The following TJP1 variants were observed in gnomAD, a reference collection of about 807,000 sequenced individuals.
TJP1 encodes tight junction protein 1, also known as tight junction protein ZO-1.
In TJP1, 43 loss-of-function variants were observed where a neutral mutation model predicts 194.2. The observed-to-expected ratio is 0.22, with a 90% confidence interval of 0.17 to 0.29. TJP1 has a LOEUF of 0.29. TJP1 is among the 10% of genes least tolerant of loss of function. The pLI, the probability that TJP1 is intolerant of heterozygous loss-of-function variation, is 1.00. For missense variants in TJP1, 1,971 were observed against 2,185.7 expected (o/e 0.90, Z 1.96); for synonymous variants, 801 against 779.0 (o/e 1.03, Z -0.47).
intron 11 of TJP1, 82 bp from the exon 12 acceptor site, chr15:29,734,464 C>A: frequency 6.2e-6 from 6 of 972,056 alleles, no homozygotes; most frequent in South Asian, 4.7e-5. Context: ...TACTCTCAGT[C>A]TACCTAATTT....
At chr15:29,953,331 G>A (rs562204502) in intron 2 of TJP1, among the ~76,000 whole-genome samples, 10 of 151,986 alleles carry the variant, frequency 6.6e-5, no homozygotes, top group South Asian at 2.1e-4. Flanking sequence ...TAATAGAGAC[G>A]GGGTTGTGCC....
chr15:29,722,019 C>G (rs1008074793), intron 18 of TJP1, among the ~76,000 whole-genome samples: 1 of 152,190 alleles, frequency 6.6e-6, no homozygotes, highest in Non-Finnish European at 1.5e-5. Context: ...TGTGCACAAA[C>G]AGATTATCTG....
chr15:29,872,255 C>T lies in TJP1; in HGVS notation c.307-71553G>A, dbSNP rs2052552902. Among the ~76,000 whole-genome samples the T allele has an allele frequency of 2.0e-5, 3 of 152,252 alleles. No individual in the cohort carries two copies. In the South Asian group the frequency reaches 6.2e-4, roughly 32 times the overall value. On this transcript the variant is annotated intron_variant, in intron 2 of 28. Transcript: ENST00000356107. Reference sequence around the variant, plus strand: ...TACTTATATTGTAAGCATACATGTGCAAATAACTGTGCTAGATTATGTGGC... The same window carrying T: ...TACTTATATTGTAAGCATACATGTGTAAATAACTGTGCTAGATTATGTGGC...
In TJP1 at chr15:29,716,490, G is replaced by A. The variant is rs973432146; in HGVS notation, c.4202+121C>T. 4 of 731,110 alleles carry A rather than the reference G, an allele frequency of 5.5e-6. No individual in the cohort carries two copies. In the African/African-American group the frequency reaches 7.1e-5, roughly 13 times the overall value. The allele number at this position is 731,110 out of a possible 1,614,324, so 45.3% of individuals were successfully genotyped here. ...AGAACTAAAAAGTATGTACAATGCTGAACCACTAGAGCCTACAGAAATCAT... is the reference window on the plus strand; with the variant it reads ...AGAACTAAAAAGTATGTACAATGCTAAACCACTAGAGCCTACAGAAATCAT... On this transcript the variant is annotated intron_variant, in intron 23 of 27. Transcript: ENST00000614355.
At position 29,700,823 on chromosome 15, in the gene TJP1, A is replaced by G. The variant is rs1000816320; in HGVS notation, c.*772T>C. The G allele has an allele frequency of 2.9e-5, 5 of 172,448 alleles. No individual in the cohort carries two copies. The highest frequency in any genetic ancestry group is 6.1e-5 in the Non-Finnish European group (5 of 81,726). 10.7% of individuals were successfully genotyped at this position (172,448 alleles called of 1,614,324 possible). A position where few individuals can be genotyped will look rare whatever the true frequency, so the allele number is the denominator to read the frequency against. ...ACACATTTCTGAAACCACCAAATGC[A>G]CAACGTACTCAGTCTTTGTCATGAT... On this transcript the variant is annotated 3_prime_UTR_variant, in exon 28 of 28. Transcript: ENST00000614355.
chr15:29,714,405 A>C (rs1321564364), intron 23 of TJP1, among the ~76,000 whole-genome samples: 1 of 150,016 alleles, frequency 6.7e-6, no homozygotes, highest in Non-Finnish European at 1.5e-5. Context: ...TGCCCAGGTA[A>C]TTTTTTGTAT....
At chr15:29,747,288 A>C (rs1256693690) in intron 8 of TJP1, among the ~76,000 whole-genome samples, 1 of 152,020 alleles carries the variant, frequency 6.6e-6, no homozygotes, top group East Asian at 1.9e-4. Flanking sequence ...TTGTCTCAAT[A>C]AATAAATAAA....
At chr15:29,936,804 T>C (rs1051473947) in intron 2 of TJP1, among the ~76,000 whole-genome samples, 1 of 152,196 alleles carries the variant, frequency 6.6e-6, no homozygotes, top group Admixed American at 6.5e-5. Flanking sequence ...ACCGCTCTAC[T>C]GGGTTCATAA....
chr15:29,842,659 T>A (rs1870883999), intron 2 of TJP1, among the ~76,000 whole-genome samples: 1 of 152,156 alleles, frequency 6.6e-6, no homozygotes, highest in African/African-American at 2.4e-5. Flanking sequence ...AAAATGACAT[T>A]GAATGAAATG....
At chr15:29,953,105 A>G (rs1049335722) in intron 2 of TJP1, among the ~76,000 whole-genome samples, 15 of 144,278 alleles carry the variant, frequency 1.0e-4, no homozygotes, top group South Asian at 2.2e-4. Flanking sequence ...TCAAATGTGT[A>G]GCCCCCCTCT....
chr15:29,766,466 T>C lies in TJP1; in HGVS notation c.389A>G (p.Asp130Gly). 6.2e-7 allele frequency: 1 copy of C among 1,613,378 alleles called. No homozygotes were observed. Among genetic ancestry groups the C allele is most frequent in the Non-Finnish European group, 8.5e-7 (1 of 1,179,600 alleles). The change falls in exon 5 of 28, where the codon GAT becomes GGT. Residue 130 changes from aspartate to glycine, a missense_variant. Asp to Gly is a moderately conservative substitution (Grantham distance 94, BLOSUM62 -1). This residue lies in a region of TJP1 where 245 missense variants were observed against 336.6 expected (regional missense o/e 0.73). Transcript: ENST00000614355. ...DPEPVSDNEE[D>G]SYDEEIHDPR... ...ATCATGTATTTCCTCATCATAACTA[T>C]CTTCTTCATTATCAGATACTGGTTC... is the stretch of plus-strand genomic sequence containing the variant.
At chr15:29,946,791 T>C (rs904807253) in intron 2 of TJP1, among the ~76,000 whole-genome samples, 1 of 152,212 alleles carries the variant, frequency 6.6e-6, no homozygotes, top group Admixed American at 6.5e-5. Flanking sequence ...CCAGGTATTA[T>C]AAAGCAATCT....
At chr15:29,823,525 C>T (rs1380352816), upstream of TJP1, 1 of 152,186 alleles carries the variant, frequency 6.6e-6, no homozygotes, top group Non-Finnish European at 1.5e-5. Flanking sequence ...TCATAAACAT[C>T]AGGCTTTAGA....
intron 24 of TJP1, among the ~76,000 whole-genome samples, chr15:29,709,479 A>G (rs1025060526): frequency 6.6e-6 from 1 of 152,244 alleles, no homozygotes; most frequent in Non-Finnish European, 1.5e-5. Flanking sequence ...AGGATTTTTT[A>G]TGCACTGCCA....
At chr15:29,776,962 A>T (rs2047053080) in intron 2 of TJP1, among the ~76,000 whole-genome samples, 1 of 152,180 alleles carries the variant, frequency 6.6e-6, no homozygotes, top group South Asian at 2.1e-4. Flanking sequence ...CAAATATTCA[A>T]GTTTGGATAA....
At chr15:29,738,938 G>A (rs1033264666) in intron 10 of TJP1, among the ~76,000 whole-genome samples, 1 of 146,014 alleles carries the variant, frequency 6.8e-6, no homozygotes, top group Non-Finnish European at 1.5e-5. Context: ...TAGCTACTCC[G>A]AAGGCTGAGG....
At chr15:29,877,351 C>T (rs919411151) in intron 2 of TJP1, among the ~76,000 whole-genome samples, 1 of 152,000 alleles carries the variant, frequency 6.6e-6, no homozygotes, top group Admixed American at 6.6e-5. Context: ...TGAGTAGCTG[C>T]GACTGCAGAT....
At chr15:29,904,389 C>T (rs908887784) in intron 2 of TJP1, among the ~76,000 whole-genome samples, 2 of 152,030 alleles carry the variant, frequency 1.3e-5, no homozygotes, top group Non-Finnish European at 2.9e-5. Flanking sequence ...TGGCATGCAG[C>T]TAGAGGAGAA....
chr15:29,741,447 A>C lies in TJP1; in HGVS notation c.1151-11T>G. 6.3e-7 allele frequency: 1 copy of C among 1,592,120 alleles called. No individual in the cohort carries two copies. Among genetic ancestry groups the C allele is most frequent in the Non-Finnish European group, 8.6e-7 (1 of 1,164,112 alleles). On this transcript the variant is annotated splice_polypyrimidine_tract_variant and intron_variant, in intron 9 of 27. Transcript: ENST00000614355. ...ACACAGGCTTTGGTTCTAAGAAAAAAAAAATTGAGTAGGACTCACTTTAGA... is the reference window on the plus strand; with the variant it reads ...ACACAGGCTTTGGTTCTAAGAAAAACAAAATTGAGTAGGACTCACTTTAGA...
Sources: gnomAD v4.1 joint callset for allele counts (sites outside exome capture counted in the v4.1 genomes callset) on GRCh38, gnomAD v4.1.1 for gene constraint, gnomAD v4.1.1 regional missense constraint, MANE v1.5 for transcripts, NCBI Gene and HGNC (gene_info 2026-07-23, HGNC 2026-07-21) for gene names.